The following FAM161A variants were observed in gnomAD, a reference collection of about 807,000 sequenced individuals.
FAM161A encodes FAM161 centrosomal protein A.
Under a neutral mutation model 70.9 loss-of-function variants are expected in FAM161A, and 57 were observed. The observed-to-expected ratio is 0.80, with a 90% CI of 0.65 to 1.00. The LOEUF (loss-of-function observed/expected upper bound fraction) is 1.00. FAM161A is among the 50% of genes least tolerant of loss of function. The pLI is 0.00. For missense variants in FAM161A, 880 were observed against 836.0 expected (o/e 1.05, Z -0.65); for synonymous variants, 299 against 295.7 (o/e 1.01, Z -0.12).
downstream of FAM161A, among the ~76,000 whole-genome samples, chr2:61,822,388 CT>C (rs1411062101): frequency 6.6e-6 from 1 of 152,102 alleles, no homozygotes; most frequent in East Asian, 1.9e-4. Flanking sequence ...AGAAATGAGA[CT>C]ACCTAAAGAA....
chr2:61,839,928 G>T lies in FAM161A; in HGVS notation c.1076C>A (p.Pro359His). ...KKKTNRFKAR[P>H]IPRSTYGSTT... ...TGAACCATAAGTAGATCGAGGAATG[G>T]GTCTGGCTTTAAATCGATTTGTTTT... The change falls in exon 3 of 7, where the codon CCC becomes CAC. Residue 359 changes from proline (P) to histidine (H), a missense_variant. Coordinates refer to ENST00000404929, the MANE Select transcript of FAM161A (RefSeq NM_001201543.2). The T allele has an allele frequency of 1.9e-6, 3 of 1,614,112 alleles. No individual in the cohort carries two copies. Among genetic ancestry groups the T allele is most frequent in the Non-Finnish European group, 2.5e-6 (3 of 1,180,032 alleles).
chr2:61,841,706 C>G (rs1673026267), intron 2 of FAM161A, among the ~76,000 whole-genome samples: 1 of 152,154 alleles, frequency 6.6e-6, no homozygotes, highest in African/African-American at 2.4e-5. Context: ...AGAAATGGGT[C>G]TTGAAATTGC....
At chr2:61,810,894 T>TAA in the FAM161A span, among the ~76,000 whole-genome samples, 2 of 152,116 alleles carry the variant, frequency 1.3e-5, no homozygotes, top group South Asian at 4.1e-4. Flanking sequence ...ATGGGAACTA[T>TAA]CCACCCTGGC....
At chr2:61,814,057 A>C in the FAM161A span, among the ~76,000 whole-genome samples, 1 of 152,146 alleles carries the variant, frequency 6.6e-6, no homozygotes, top group Non-Finnish European at 1.5e-5. Context: ...TCCTGGAGGC[A>C]GCAATGGGAG....
At chr2:61,840,671 G>T in intron 2 of FAM161A, 90 bp from the exon 3 acceptor site, 1 of 1,041,088 alleles carries the variant, frequency 9.6e-7, no homozygotes, top group Non-Finnish European at 1.4e-6. Flanking sequence ...TTTTTTCTGA[G>T]ACAGAGTCTC....
At chr2:61,841,228 C>T (rs1249536098) in intron 2 of FAM161A, among the ~76,000 whole-genome samples, 7 of 152,208 alleles carry the variant, frequency 4.6e-5, no homozygotes, top group African/African-American at 7.2e-5. Flanking sequence ...CTCACTGCTA[C>T]GAAGTCAAGC....
At position 61,826,056 on chromosome 2, in the gene FAM161A, T is replaced by C. The variant is rs1358076229; in HGVS notation, c.*399A>G. On this transcript the variant is annotated 3_prime_UTR_variant, in exon 7 of 7. Coordinates refer to ENST00000404929, the MANE Select transcript of FAM161A (RefSeq NM_001201543.2). ...AGTATAATTAAAAATAGTTATTGATTCACACTTTCCAAAATTTTTAAAAAG... is the reference window on the plus strand; with the variant it reads ...AGTATAATTAAAAATAGTTATTGATCCACACTTTCCAAAATTTTTAAAAAG... The C allele has an allele frequency of 2.8e-5, 13 of 458,024 alleles. No individual in the cohort carries two copies. The highest frequency in any genetic ancestry group is 2.0e-4 in the South Asian group (13 of 64,436). 28.4% of individuals were successfully genotyped at this position (458,024 alleles called of 1,614,324 possible). A position where few individuals can be genotyped will look rare whatever the true frequency, so the allele number is the denominator to read the frequency against.
chr2:61,819,599 T>C, the FAM161A span, among the ~76,000 whole-genome samples: 3 of 152,176 alleles, frequency 2.0e-5, no homozygotes, highest in African/African-American at 7.2e-5. Flanking sequence ...TTCAGTGGAC[T>C]GTTCTATATT....
At chr2:61,835,290 C>T (rs1247823793) in intron 5 of FAM161A, among the ~76,000 whole-genome samples, 2 of 152,170 alleles carry the variant, frequency 1.3e-5, no homozygotes, top group Non-Finnish European at 2.9e-5. Flanking sequence ...AGATGCCTCC[C>T]CTATGGGACA....
intron 5 of FAM161A, among the ~76,000 whole-genome samples, chr2:61,833,850 C>G (rs142048804): frequency 6.6e-6 from 1 of 151,984 alleles, no homozygotes; most frequent in Non-Finnish European, 1.5e-5. Context: ...GGCCATACAG[C>G]GAGACCCAGT....
At chr2:61,818,822 G>C in the FAM161A span, among the ~76,000 whole-genome samples, 7 of 152,300 alleles carry the variant, frequency 4.6e-5, no homozygotes, top group East Asian at 1.3e-3. Flanking sequence ...TTGGGGAACA[G>C]GATGTTCACA....
At chr2:61,813,547 CAAA>C in the FAM161A span, among the ~76,000 whole-genome samples, 77 of 55,970 alleles carry the variant, frequency 1.4e-3, no homozygotes, top group African/African-American at 4.7e-3. Context: ...GACTCCACCT[CAAA>C]AAAAAAAAAA....
the FAM161A span, among the ~76,000 whole-genome samples, chr2:61,811,801 T>C: frequency 6.6e-6 from 1 of 152,194 alleles, no homozygotes. Flanking sequence ...CCACTGTGCC[T>C]GGCCCAGAGT....
chr2:61,842,207 A>G lies in FAM161A; in HGVS notation c.337T>C (p.Leu113=), dbSNP rs757443871. 78 of 1,613,832 alleles carry G rather than the reference A, an allele frequency of 4.8e-5. No individual in the cohort carries two copies. The highest frequency in any genetic ancestry group is 3.3e-4 in the Middle Eastern group (2 of 6,082). ...KAAHIETMAK[L]EKMYQDKLHL... is the part of the protein sequence containing the mutation. The stretch of plus-strand genomic sequence containing the variant: ...AATTTATCCTGGTACATTTTCTCTA[A>G]TTTTGCCATAGTTTCTATGTGGGCA... Residue 113 remains leucine (L), a synonymous_variant, in exon 2 of 7, where the codon TTA becomes CTA. Transcript: ENST00000404929.
At chr2:61,843,537 A>G (rs1673096308) in intron 1 of FAM161A, among the ~76,000 whole-genome samples, 1 of 152,210 alleles carries the variant, frequency 6.6e-6, no homozygotes, top group African/African-American at 2.4e-5. Context: ...TATTTATGAT[A>G]CTATGCATAA....
chr2:61,811,698 G>A, the FAM161A span, among the ~76,000 whole-genome samples: 2 of 151,714 alleles, frequency 1.3e-5, no homozygotes. Flanking sequence ...TAGAAATGTG[G>A]TCTCACTATG....
intron 1 of FAM161A, among the ~76,000 whole-genome samples, chr2:61,847,601 T>C (rs1270790444): frequency 6.6e-6 from 1 of 151,962 alleles, no homozygotes; most frequent in Non-Finnish European, 1.5e-5. Context: ...CAAGGCCTCA[T>C]CTCTACAAAA....
At chr2:61,827,341 T>C (rs1340938375) in intron 5 of FAM161A, 83 bp from the exon 6 acceptor site, 8 of 1,398,298 alleles carry the variant, frequency 5.7e-6, no homozygotes, top group Non-Finnish European at 7.0e-6. Context: ...CCAGGCGCGG[T>C]GGCTCACGCC....
At chr2:61,801,403 A>G in the FAM161A span, among the ~76,000 whole-genome samples, 2 of 151,792 alleles carry the variant, frequency 1.3e-5, no homozygotes, top group South Asian at 4.2e-4. Context: ...AGGCTGAGGC[A>G]GTAGAATCAC....
Sources: gnomAD v4.1 joint callset for allele counts (sites outside exome capture counted in the v4.1 genomes callset) on GRCh38, gnomAD v4.1.1 for gene constraint, MANE v1.5 for transcripts, NCBI Gene and HGNC (gene_info 2026-07-23, HGNC 2026-07-21) for gene names.